The following ZNF469 variants were observed in gnomAD, a reference collection of about 807,000 sequenced individuals.
ZNF469 encodes zinc finger protein 469.
ZNF469 carries 1 observed loss-of-function variant against 1.0 expected under a neutral mutation model. That is an observed-to-expected ratio of 1.00 (90% CI 0.35 to 4.73). The LOEUF (loss-of-function observed/expected upper bound fraction) is 4.73. ZNF469 is among the 30% of genes most tolerant of loss of function. The probability of loss-of-function intolerance (pLI) is 0.16; values close to 1 mark genes in which losing one functional copy is unlikely to be tolerated. For missense variants in ZNF469, 6,100 were observed against 5,356.3 expected (o/e 1.14, Z -4.33); for synonymous variants, 2,703 against 2,363.4 (o/e 1.14, Z -4.17).
the ZNF469 span, among the ~76,000 whole-genome samples, chr16:88,154,421 C>T: frequency 6.6e-6 from 1 of 152,244 alleles, no homozygotes. Flanking sequence ...CCACTTTGGC[C>T]TCCCAAAGTG....
At chr16:88,356,399 C>A in the ZNF469 span, among the ~76,000 whole-genome samples, 12 of 152,262 alleles carry the variant, frequency 7.9e-5, 1 homozygote, top group Admixed American at 5.2e-4. Context: ...GGGCTCCATG[C>A]AGGAGCCCCT....
At chr16:88,147,278 G>A in the ZNF469 span, among the ~76,000 whole-genome samples, 3 of 152,064 alleles carry the variant, frequency 2.0e-5, no homozygotes, top group Admixed American at 1.3e-4. Context: ...TGGAGCCTCC[G>A]GGAGCAGCCA....
chr16:88,355,089 G>A, the ZNF469 span, among the ~76,000 whole-genome samples: 1 of 152,130 alleles, frequency 6.6e-6, no homozygotes, highest in Non-Finnish European at 1.5e-5. Context: ...TGGGGAGGGT[G>A]GGCAGGGGGC....
chr16:88,146,939 G>A, the ZNF469 span, among the ~76,000 whole-genome samples: 2 of 152,014 alleles, frequency 1.3e-5, no homozygotes, highest in African/African-American at 4.8e-5. Flanking sequence ...TGGCCTCCTG[G>A]GGGTGTCTCA....
Position 88,429,215 on chromosome 16 carries a change from G to C in ZNF469, c.1745G>C (p.Arg582Thr), listed in dbSNP as rs1597207045. ...PHGTPSLPPP[R>T]VVGASPSESP... ...GGGACACCCAGCCTGCCCCCACCGA[G>C]GGTAGTGGGAGCCTCCCCCAGCGAG... is the stretch of plus-strand genomic sequence containing the variant. Residue 582 changes from arginine to threonine, a missense_variant, in exon 3 of 3, where the codon AGG becomes ACG. Coordinates refer to ENST00000565624, the MANE Select transcript of ZNF469 (RefSeq NM_001367624.2). 1 of 1,549,692 alleles carries C rather than the reference G, an allele frequency of 6.5e-7. No homozygotes were observed. The highest frequency in any genetic ancestry group is 8.7e-7 in the Non-Finnish European group (1 of 1,146,784).
the ZNF469 span, among the ~76,000 whole-genome samples, chr16:88,180,966 A>G: frequency 1.3e-5 from 2 of 152,242 alleles, no homozygotes; most frequent in African/African-American, 2.4e-5. Flanking sequence ...CTATAGAAGA[A>G]GTAGACAGGA....
chr16:88,322,920 G>A, the ZNF469 span, among the ~76,000 whole-genome samples: 10 of 152,296 alleles, frequency 6.6e-5, no homozygotes, highest in South Asian at 2.1e-4. Context: ...TCAGGAAAGC[G>A]GAGAGGATGA....
chr16:88,127,887 T>C, the ZNF469 span, among the ~76,000 whole-genome samples: 1 of 152,312 alleles, frequency 6.6e-6, no homozygotes, highest in South Asian at 2.1e-4. Context: ...AGGGAGACTG[T>C]GAAGGACCAG....
Position 88,434,944 on chromosome 16 carries a change from G to T in ZNF469, c.7474G>T (p.Ala2492Ser). ...CGGGCCGGGCCTGAGCCGGCACAAG[G>T]CCAGGAAGCACCGGCCACACCCGGG... is the stretch of plus-strand genomic sequence containing the variant. ...RSGPGLSRHK[A>S]RKHRPHPGAP... The change falls in exon 3 of 3, where the codon GCC becomes TCC. Residue 2492 changes from alanine to serine, a missense_variant. By Grantham distance (99) the Ala-to-Ser change is moderately conservative. Transcript: ENST00000565624. 1 of 1,550,024 alleles carries T rather than the reference G, an allele frequency of 6.5e-7. No homozygotes were observed. The highest frequency in any genetic ancestry group is 8.7e-7 in the Non-Finnish European group (1 of 1,146,930).
intron 1 of ZNF469, among the ~76,000 whole-genome samples, chr16:88,422,415 A>T (rs1325203753): frequency 1.6e-5 from 2 of 121,662 alleles, no homozygotes; most frequent in Non-Finnish European, 1.7e-5. Flanking sequence ...ATGGGTGGAC[A>T]AATGGTAAAA....
chr16:88,198,776 C>G, the ZNF469 span, among the ~76,000 whole-genome samples: 1 of 152,196 alleles, frequency 6.6e-6, no homozygotes, highest in Non-Finnish European at 1.5e-5. Context: ...AGCTCACAAC[C>G]TCACCAACTC....
chr16:88,198,407 A>G, the ZNF469 span, among the ~76,000 whole-genome samples: 6 of 152,150 alleles, frequency 3.9e-5, no homozygotes, highest in Non-Finnish European at 8.8e-5. Flanking sequence ...GGCAGAGGCT[A>G]TTGCAGTTGT....
the ZNF469 span, among the ~76,000 whole-genome samples, chr16:88,114,795 C>T: frequency 1.3e-5 from 2 of 152,202 alleles, no homozygotes; most frequent in African/African-American, 4.8e-5. Context: ...GAAGAGGTGC[C>T]TCCCCTTCTC....
At position 88,433,501 on chromosome 16, in the gene ZNF469, G is replaced by A; in HGVS notation, c.6031G>A (p.Gly2011Ser). 1 of 1,550,374 alleles carries A rather than the reference G, an allele frequency of 6.5e-7. No individual in the cohort carries two copies. The highest frequency in any genetic ancestry group is 8.7e-7 in the Non-Finnish European group (1 of 1,146,940). Residue 2011 changes from glycine to serine, a missense_variant, in exon 3 of 3, where the codon GGC (glycine) becomes AGC (serine). Physicochemically the swap from Gly to Ser is moderately conservative, Grantham distance 56 (BLOSUM62 0). Transcript: ENST00000565624. ...LQPENGVSPG[G>S]TDNHASVNAS... Reference sequence around the variant, plus strand: ...GCCAGAGAACGGGGTGAGCCCAGGGGGCACGGACAACCACGCCTCAGTCAA... The same window carrying A: ...GCCAGAGAACGGGGTGAGCCCAGGGAGCACGGACAACCACGCCTCAGTCAA...
the ZNF469 span, among the ~76,000 whole-genome samples, chr16:88,132,001 C>T: frequency 2.8e-4 from 43 of 152,356 alleles, no homozygotes; most frequent in East Asian, 6.2e-3. Context: ...AGCGATGCTC[C>T]GCCCGTGGGA....
At chr16:88,381,163 CGCCCTCACACACAGACAT>C (rs1178520677), upstream of ZNF469, among the ~76,000 whole-genome samples, 1 of 144,812 alleles carries the variant, frequency 6.9e-6, no homozygotes, top group Non-Finnish European at 1.5e-5. Flanking sequence ...CACACAGACA[CGCCCTCACACACAGACAT>C]GCACTCACAC....
chr16:88,235,188 G>T, the ZNF469 span, among the ~76,000 whole-genome samples: 2 of 152,172 alleles, frequency 1.3e-5, no homozygotes, highest in Non-Finnish European at 2.9e-5. Flanking sequence ...GGATGGAGAG[G>T]GTCCTGACTG....
the ZNF469 span, among the ~76,000 whole-genome samples, chr16:88,112,823 G>A: frequency 8.5e-6 from 1 of 117,384 alleles, no homozygotes; most frequent in South Asian, 3.0e-4. Context: ...TGTTGCCCAG[G>A]CTGGAGTGCA....
chr16:88,217,538 C>G, the ZNF469 span, among the ~76,000 whole-genome samples: 1 of 145,338 alleles, frequency 6.9e-6, no homozygotes, highest in Admixed American at 6.9e-5. Flanking sequence ...TGTGCTGCAC[C>G]CACTAACTCG....
Sources: gnomAD v4.1 joint callset for allele counts (sites outside exome capture counted in the v4.1 genomes callset) on GRCh38, gnomAD v4.1.1 for gene constraint, MANE v1.5 for transcripts, NCBI Gene and HGNC (gene_info 2026-07-23, HGNC 2026-07-21) for gene names.